The following ARHGEF37 variants were observed in gnomAD, a reference collection of about 807,000 sequenced individuals.
The protein encoded by ARHGEF37 is Rho guanine nucleotide exchange factor (GEF) 37.
In ARHGEF37, 55 loss-of-function variants were observed where a neutral mutation model predicts 71.1. The observed-to-expected ratio is 0.77, with a 90% CI of 0.62 to 0.97. The LOEUF (loss-of-function observed/expected upper bound fraction) is 0.97. Ranked by LOEUF, ARHGEF37 falls within the 50% of genes least tolerant of loss-of-function variation. ARHGEF37 has a pLI of 0.00. For synonymous variants in ARHGEF37, 327 were observed against 350.6 expected (o/e 0.93, Z 0.75); for missense variants, 765 against 836.8 (o/e 0.91, Z 1.06).
At chr5:149,581,480 C>T (rs1315810410), upstream of ARHGEF37, 2 of 152,008 alleles carry the variant, frequency 1.3e-5, no homozygotes, top group Non-Finnish European at 2.9e-5. Context: ...CATAGCCGCG[C>T]CCGCCAGCGC....
intron 1 of ARHGEF37, among the ~76,000 whole-genome samples, chr5:149,591,909 A>AT (rs1205471475): frequency 1.3e-5 from 2 of 152,190 alleles, no homozygotes; most frequent in Non-Finnish European, 2.9e-5. Context: ...TATTTCATAC[A>AT]TTTTTTACTT....
At position 149,624,153 on chromosome 5, in the gene ARHGEF37, C is replaced by T. The variant is rs751975991; in HGVS notation, c.1464+13C>T. The stretch of plus-strand genomic sequence containing the variant: ...TCCCACCACACAAGTAAGCATCCTT[C>T]CTCCACCCCAAAGACTGTCCAGTTC... On this transcript the variant is annotated intron_variant, in intron 10 of 12. Coordinates refer to ENST00000333677, the MANE Select transcript of ARHGEF37 (RefSeq NM_001001669.3). 2 of 1,602,800 alleles carry T rather than the reference C, an allele frequency of 1.2e-6. No homozygotes were observed. The highest frequency in any genetic ancestry group is 2.2e-5 in the East Asian group (1 of 44,536).
chr5:149,624,885 A>T (rs1039976249), intron 10 of ARHGEF37, among the ~76,000 whole-genome samples: 1 of 149,504 alleles, frequency 6.7e-6, no homozygotes, highest in Non-Finnish European at 1.5e-5. Context: ...GCTTTGGCTG[A>T]CCAAATGCTT....
chr5:149,598,412 TCTC>T (rs1763637049), intron 2 of ARHGEF37, among the ~76,000 whole-genome samples: 1 of 148,674 alleles, frequency 6.7e-6, no homozygotes, highest in African/African-American at 2.5e-5. Context: ...CTCTTCCTCT[TCTC>T]CTTCTTCTCC....
chr5:149,574,988 T>G (rs1051096616), intron 1 of ARHGEF37, among the ~76,000 whole-genome samples: 15 of 152,340 alleles, frequency 9.8e-5, no homozygotes, highest in African/African-American at 3.6e-4. Context: ...CAGATGATCT[T>G]TCTAGAATTA....
chr5:149,593,636 A>G (rs1157930251), intron 1 of ARHGEF37, among the ~76,000 whole-genome samples: 1 of 152,256 alleles, frequency 6.6e-6, no homozygotes, highest in Non-Finnish European at 1.5e-5. Flanking sequence ...TAACATAAAC[A>G]GTTGATTAAC....
intron 1 of ARHGEF37, among the ~76,000 whole-genome samples, chr5:149,594,549 A>G (rs750831575): frequency 6.6e-6 from 1 of 152,226 alleles, no homozygotes; most frequent in Non-Finnish European, 1.5e-5. Context: ...TAAGACAGAA[A>G]CTTCAACAAA....
rs564664377 is a variant in ARHGEF37 at position 149,607,193 on chromosome 5, G to A, written c.311-2355G>A. Among the ~76,000 whole-genome samples, 5 of 152,340 alleles carry A rather than the reference G, an allele frequency of 3.3e-5. No individual in the cohort carries two copies. The South Asian group carries it at 8.3e-4, about 25-fold the overall frequency. ...GCTGGGATTTCAGGCATGAGCCATA[G>A]CACCCAACCTGTTTTATTTTTTGAC... On this transcript the variant is annotated intron_variant, in intron 3 of 12. Coordinates refer to ENST00000333677, the MANE Select transcript of ARHGEF37 (RefSeq NM_001001669.3).
chr5:149,616,310 A>G, intron 4 of ARHGEF37, among the ~76,000 whole-genome samples: 1 of 152,156 alleles, frequency 6.6e-6, no homozygotes, highest in East Asian at 1.9e-4. Context: ...TCTGCTGTGG[A>G]GAGGCCGAGC....
At chr5:149,609,815 C>T (rs1375163723) in intron 4 of ARHGEF37, 120 bp downstream of exon 4, 16 of 1,394,620 alleles carry the variant, frequency 1.1e-5, no homozygotes, top group Non-Finnish European at 1.5e-5. Context: ...TCTGTCAGAG[C>T]CTGTGTTAGT....
chr5:149,626,988 C>G, intron 10 of ARHGEF37, 88 bp from the exon 11 acceptor site: 1 of 1,410,196 alleles, frequency 7.1e-7, no homozygotes, highest in Non-Finnish European at 9.8e-7. Flanking sequence ...CCCAGTACTC[C>G]TGGCTGTCAA....
At chr5:149,568,120 C>T (rs188103022) in intron 1 of ARHGEF37, among the ~76,000 whole-genome samples, 127 of 152,014 alleles carry the variant, frequency 8.4e-4, no homozygotes, top group Non-Finnish European at 1.6e-3. Context: ...TCTATGGTTC[C>T]AGTTATCCTC....
chr5:149,609,723 C>T, intron 4 of ARHGEF37, 28 bp downstream of exon 4: 2 of 1,611,494 alleles, frequency 1.2e-6, no homozygotes, highest in Non-Finnish European at 1.7e-6. Context: ...TGAGCACTCG[C>T]TCCTACCCCA....
chr5:149,615,247 T>C (rs1752340991), intron 4 of ARHGEF37, among the ~76,000 whole-genome samples: 1 of 151,876 alleles, frequency 6.6e-6, no homozygotes, highest in Admixed American at 6.6e-5. Flanking sequence ...CTCGTACTCC[T>C]GGGCTTAAGC....
upstream of ARHGEF37, among the ~76,000 whole-genome samples, chr5:149,577,398 G>T (rs895604055): frequency 6.7e-6 from 1 of 148,838 alleles, no homozygotes; most frequent in East Asian, 2.0e-4. Flanking sequence ...AAATTTATCA[G>T]AAAAATGTAT....
chr5:149,632,199 T>C lies in ARHGEF37; in HGVS notation c.*8T>C. 1 of 1,612,772 alleles carries C rather than the reference T, an allele frequency of 6.2e-7. No homozygotes were observed. Among genetic ancestry groups the C allele is most frequent in the South Asian group, 1.1e-5 (1 of 91,044 alleles). Reference sequence around the variant, plus strand: ...TGGAGTCTGCCCTCTTAGGGTACCCTCTTTGGAGCCTACATTGCCAAATGA... The same window carrying C: ...TGGAGTCTGCCCTCTTAGGGTACCCCCTTTGGAGCCTACATTGCCAAATGA... On this transcript the variant is annotated 3_prime_UTR_variant, in exon 13 of 13. Transcript: ENST00000333677.
chr5:149,567,594 A>G (rs1762913154), intron 1 of ARHGEF37, among the ~76,000 whole-genome samples: 1 of 152,224 alleles, frequency 6.6e-6, no homozygotes, highest in South Asian at 2.1e-4. Flanking sequence ...AGTTATTTAT[A>G]TCAGTATGAA....
chr5:149,561,457 T>C (rs1042723105), intron 1 of ARHGEF37, among the ~76,000 whole-genome samples: 1 of 152,198 alleles, frequency 6.6e-6, no homozygotes, highest in Non-Finnish European at 1.5e-5. Flanking sequence ...AGTCTAATCC[T>C]TGGCAAAGAG....
At chr5:149,578,130 T>C (rs1215910908), upstream of ARHGEF37, among the ~76,000 whole-genome samples, 1 of 152,210 alleles carries the variant, frequency 6.6e-6, no homozygotes, top group Non-Finnish European at 1.5e-5. Flanking sequence ...CCTGTCTATA[T>C]TACTAATCCA....
Sources: gnomAD v4.1 joint callset for allele counts (sites outside exome capture counted in the v4.1 genomes callset) on GRCh38, gnomAD v4.1.1 for gene constraint, MANE v1.5 for transcripts, NCBI Gene and HGNC (gene_info 2026-07-23, HGNC 2026-07-21) for gene names.